MOK: variants seen among roughly 807,000 people sequenced by gnomAD.
The protein encoded by MOK is MOK protein kinase.
In MOK, 59 loss-of-function variants were observed where a neutral mutation model predicts 54.2. The ratio of observed to expected loss-of-function variants is 1.09; its 90% confidence interval spans 0.88 to 1.35. MOK has a LOEUF of 1.35. Among genes scored for constraint, MOK ranks in the 40% most tolerant of loss-of-function variants. The probability of loss-of-function intolerance (pLI) is 0.00; values close to 1 mark genes in which losing one functional copy is unlikely to be tolerated. For missense variants in MOK, 517 were observed against 526.2 expected (o/e 0.98, Z 0.17); for synonymous variants, 210 against 202.7 (o/e 1.04, Z -0.31).
intron 2 of MOK, among the ~76,000 whole-genome samples, chr14:102,279,922 G>A (rs1388454156): frequency 6.6e-6 from 1 of 151,978 alleles, no homozygotes; most frequent in Non-Finnish European, 1.5e-5. Flanking sequence ...AAGTAATACT[G>A]GAGGGGGTAG....
At chr14:102,257,754 G>A (rs1423328866) in intron 4 of MOK, among the ~76,000 whole-genome samples, 4 of 152,088 alleles carry the variant, frequency 2.6e-5, no homozygotes, top group African/African-American at 7.2e-5. Flanking sequence ...TGAGGTGGGC[G>A]GATCACGAGG....
intron 1 of MOK, among the ~76,000 whole-genome samples, chr14:102,299,418 T>C (rs1273949345): frequency 6.6e-6 from 1 of 151,744 alleles, no homozygotes; most frequent in Admixed American, 6.6e-5. Context: ...GGGAGGCTGA[T>C]GCATGAGAAT....
chr14:102,243,317 T>G (rs1247084517), intron 7 of MOK, among the ~76,000 whole-genome samples: 1 of 152,166 alleles, frequency 6.6e-6, no homozygotes, highest in African/African-American at 2.4e-5. Flanking sequence ...GCTCCCACAC[T>G]AGCTCTCCCT....
downstream of MOK, among the ~76,000 whole-genome samples, chr14:102,220,605 A>G (rs2063770069): frequency 6.6e-6 from 1 of 151,724 alleles, no homozygotes; most frequent in African/African-American, 2.4e-5. The surrounding 1 kb of genome is among the most constrained non-coding windows in gnomAD (Gnocchi z 4.2). Flanking sequence ...CTGTAGTCCA[A>G]GGTACTTGGG....
At chr14:102,297,740 T>G (rs1265016781) in intron 1 of MOK, among the ~76,000 whole-genome samples, 6 of 152,028 alleles carry the variant, frequency 3.9e-5, no homozygotes, top group African/African-American at 1.4e-4. Flanking sequence ...CCAGCATGAG[T>G]TCTGGGTGGG....
intron 1 of MOK, 98 bp from the exon 2 acceptor site, chr14:102,283,690 CA>C (rs1221265479): frequency 2.2e-5 from 15 of 668,666 alleles, no homozygotes; most frequent in Middle Eastern, 2.8e-4. Context: ...ATAATTTAAA[CA>C]GCAATATACT....
At chr14:102,255,824 T>C (rs1485944208) in intron 4 of MOK, among the ~76,000 whole-genome samples, 1 of 152,206 alleles carries the variant, frequency 6.6e-6, no homozygotes, top group African/African-American at 2.4e-5. Context: ...CAAAAGCATT[T>C]CCCTCATCTG....
chr14:102,283,478 CT>C lies in MOK; in HGVS notation c.121del (p.Ser41ValfsTer14). 6.2e-7 allele frequency: 1 copy of C among 1,605,334 alleles called. No homozygotes were observed. ...ACKQMKQRFE[S>X]IEQVNNLREI... Reference sequence around the variant, plus strand: ...TCCCAAGTGCATCTCTGTAGCCTACCTTTCAAAGCGCTGCTTCATTTGTTTA... The same window carrying C: ...TCCCAAGTGCATCTCTGTAGCCTACCTTCAAAGCGCTGCTTCATTTGTTTA... On this transcript the variant is annotated frameshift_variant and splice_region_variant, in exon 2 of 12. Coordinates refer to ENST00000361847, the MANE Select transcript of MOK (RefSeq NM_014226.3). LOFTEE classifies it high-confidence loss of function.
At chr14:102,214,874 GTTTT>G in the MOK span, 1 of 760,230 alleles carries the variant, frequency 1.3e-6, no homozygotes, top group Non-Finnish European at 1.6e-6. Context: ...TCACTGCTTT[GTTTT>G]TTTTTTTAGC....
chr14:102,279,955 A>G (rs1170183030), intron 2 of MOK, among the ~76,000 whole-genome samples: 1 of 151,744 alleles, frequency 6.6e-6, no homozygotes, highest in Admixed American at 6.6e-5. Flanking sequence ...CCAAATACCA[A>G]CCTCATGCTG....
At chr14:102,274,118 C>T (rs539963818) in intron 2 of MOK, among the ~76,000 whole-genome samples, 5 of 151,882 alleles carry the variant, frequency 3.3e-5, no homozygotes, top group Non-Finnish European at 7.4e-5. Context: ...CCACCACACC[C>T]GGCTAATTTT....
chr14:102,229,560 A>T lies in MOK; in HGVS notation c.1079T>A (p.Leu360Gln), dbSNP rs2064471351. The part of the protein sequence containing the change: ...PKLKLSGVVR[L>Q]SSYSSPTLQS... ...CAGCGTGGGGCTGGAGTAAGACGAC[A>T]GTCTGACCACTCCCGAAAGCTTTAG... The change falls in exon 11 of 12, where the codon CTG becomes CAG. Residue 360 changes from leucine (L) to glutamine (Q), a missense_variant. Physicochemically the swap from Leu to Gln is moderately radical, Grantham distance 113. Coordinates refer to ENST00000361847, the MANE Select transcript of MOK (RefSeq NM_014226.3). 1 of 1,614,194 alleles carries T rather than the reference A, an allele frequency of 6.2e-7. No individual in the cohort carries two copies. The highest frequency in any genetic ancestry group is 2.2e-5 in the East Asian group (1 of 44,872).
downstream of MOK, among the ~76,000 whole-genome samples, chr14:102,227,751 T>TGCC (rs1019909256): frequency 1.3e-5 from 2 of 152,104 alleles, no homozygotes; most frequent in Admixed American, 1.3e-4. Flanking sequence ...TCCCCGCCCT[T>TGCC]GCCTCCTCCT....
At chr14:102,299,935 A>G (rs2153194922) in intron 1 of MOK, among the ~76,000 whole-genome samples, 1 of 152,304 alleles carries the variant, frequency 6.6e-6, no homozygotes, top group East Asian at 1.9e-4. Context: ...AAGTTGAGAC[A>G]GGACCAGGCA....
downstream of MOK, chr14:102,222,946 C>T: frequency 6.3e-7 from 1 of 1,599,866 alleles, no homozygotes; most frequent in Non-Finnish European, 8.6e-7. This position sits in a 1 kb window ranked among gnomAD's most constrained non-coding sequence, Gnocchi z 4.4. Context: ...CGAGGAGGAG[C>T]TCCGAGCTGC....
At chr14:102,233,623 C>A (rs2064946069) in intron 8 of MOK, 65 bp downstream of exon 8, 1 of 1,418,200 alleles carries the variant, frequency 7.1e-7, no homozygotes. Flanking sequence ...CAGGGAGGGG[C>A]TTGCCCTGCT....
chr14:102,214,919 A>G, the MOK span: 1 of 985,000 alleles, frequency 1.0e-6, no homozygotes, highest in African/African-American at 1.7e-5. Flanking sequence ...AGCTAACAAG[A>G]CTTACTACAT....
downstream of MOK, among the ~76,000 whole-genome samples, chr14:102,224,037 A>AT (rs533802492): frequency 0.042 from 5,149 of 123,042 alleles, 270 homozygotes; most frequent in African/African-American, 0.091. Flanking sequence ...TTTACCTGAG[A>AT]TTTTTTTTTT....
In MOK at chr14:102,260,409, C is replaced by A. The variant is rs184692488; in HGVS notation, c.283+3137G>T. 2.6e-5 allele frequency among the ~76,000 whole-genome samples: 4 copies of A among 152,216 alleles called. No homozygotes were observed. The East Asian group carries it at 7.7e-4, about 29-fold the overall frequency. On this transcript the variant is annotated intron_variant, in intron 4 of 11. Coordinates refer to ENST00000361847, the MANE Select transcript of MOK (RefSeq NM_014226.3). ...TTGGAAGGTTAAAATGAGTTAATTC[C>A]TATAAAGTATTAAGAACAGTGCCTG...
Sources: gnomAD v4.1 joint callset for allele counts (sites outside exome capture counted in the v4.1 genomes callset) on GRCh38, gnomAD v4.1.1 for gene constraint, Gnocchi (gnomAD v3.1) non-coding constraint, MANE v1.5 for transcripts, NCBI Gene and HGNC (gene_info 2026-07-23, HGNC 2026-07-21) for gene names.